Variants in XRN1 observed in about 807,000 individuals in gnomAD.
XRN1 encodes strand-exchange protein 1 homolog.
A neutral mutation model predicts 222.3 loss-of-function variants in XRN1; 67 were observed. That is an observed-to-expected ratio of 0.30 (90% confidence interval 0.25 to 0.37). The LOEUF is 0.37. Ranked by LOEUF, XRN1 falls within the 10% of genes least tolerant of loss-of-function variation. The pLI, the probability that XRN1 is intolerant of heterozygous loss-of-function variation, is 1.00. For synonymous variants in XRN1, 643 were observed against 652.4 expected (o/e 0.99, Z 0.22); for missense variants, 1,707 against 2,000.2 (o/e 0.85, Z 2.80).
At chr3:142,318,550 A>T in intron 39 of XRN1, 42 bp downstream of exon 39, 1 of 1,497,760 alleles carries the variant, frequency 6.7e-7, no homozygotes, top group South Asian at 1.2e-5. Flanking sequence ...TAGTAAAAAT[A>T]ACAACTCAAT....
chr3:142,307,870 T>C lies in XRN1; in HGVS notation c.*3641A>G, dbSNP rs2107833203. 1 of 152,318 alleles carries C rather than the reference T, an allele frequency of 6.6e-6. No homozygotes were observed. Among genetic ancestry groups the C allele is most frequent in the Middle Eastern group, 3.4e-3 (1 of 294 alleles). 9.4% of individuals were successfully genotyped at this position (152,318 alleles called of 1,614,324 possible). A position where few individuals can be genotyped will look rare whatever the true frequency, so the allele number is the denominator to read the frequency against. ...ATCTCTAGAAAAATGACAAATGAAC[T>C]TCTGCAATTGATTTTTAAAGACAGA... On this transcript the variant is annotated 3_prime_UTR_variant, in exon 41 of 41. Transcript: ENST00000392981.
intron 17 of XRN1, 41 bp from the exon 18 acceptor site, chr3:142,403,813 C>A: frequency 1.2e-6 from 2 of 1,610,392 alleles, no homozygotes; most frequent in Non-Finnish European, 1.7e-6. Context: ...ATTCTTTCTC[C>A]ATAATCACTT....
At chr3:142,375,974 G>GCGCACA (rs113527448) in intron 24 of XRN1, 30 bp from the exon 25 acceptor site, 116 of 1,448,072 alleles carry the variant, frequency 8.0e-5, no homozygotes, top group Admixed American at 1.1e-4. Flanking sequence ...GCGCACACGT[G>GCGCACA]CACACACACA....
rs1260982980 is a variant in XRN1 at position 142,318,816 on chromosome 3, C to T, written c.4492G>A (p.Ala1498Thr). The stretch of plus-strand genomic sequence containing the variant: ...AACTGTTGTAAAGCAAAAAGTGCAG[C>T]TTTCTCTTTGGCTTCATTTTCAGAG... ...CHSENEAKEK[A>T]ALFALQQLGS... The change falls in exon 38 of 41, where the codon GCT becomes ACT. Residue 1498 changes from alanine (A) to threonine (T), a missense_variant. Around this residue, in one of 2 missense-constraint regions of XRN1, gnomAD observed 473 missense variants for 482.0 expected, o/e 0.98. Transcript: ENST00000392981. 1 of 1,613,940 alleles carries T rather than the reference C, an allele frequency of 6.2e-7. No individual in the cohort carries two copies. The highest frequency in any genetic ancestry group is 1.1e-5 in the South Asian group (1 of 91,070).
intron 33 of XRN1, among the ~76,000 whole-genome samples, chr3:142,341,773 T>C (rs1039788005): frequency 1.3e-5 from 2 of 152,150 alleles, no homozygotes; most frequent in African/African-American, 2.4e-5. Context: ...GGGTTAGCTA[T>C]ACTTATATTA....
rs926827218 is a variant in XRN1 at position 142,309,223 on chromosome 3, A to T, written c.*2288T>A. ...TGTTAAAAAAAAAGTAAGGATAATA[A>T]AACTTTTTTCTTTTTTTTGAGACAG... On this transcript the variant is annotated 3_prime_UTR_variant, in exon 41 of 41. Transcript: ENST00000392981. 5 of 152,038 alleles carry T rather than the reference A, an allele frequency of 3.3e-5. No individual in the cohort carries two copies. The highest frequency in any genetic ancestry group is 1.2e-4 in the African/African-American group (5 of 41,398). The allele number at this position is 152,038 out of a possible 1,614,324, so 9.4% of individuals were successfully genotyped here. A position where few individuals can be genotyped will look rare whatever the true frequency, so the allele number is the denominator to read the frequency against.
At chr3:142,368,490 A>T (rs1449462506) in intron 27 of XRN1, among the ~76,000 whole-genome samples, 1 of 152,242 alleles carries the variant, frequency 6.6e-6, no homozygotes, top group Non-Finnish European at 1.5e-5. Flanking sequence ...AATATCACAG[A>T]CTAAGACGTT....
chr3:142,394,206 C>T (rs142187670), intron 20 of XRN1, among the ~76,000 whole-genome samples: 1 of 152,176 alleles, frequency 6.6e-6, no homozygotes, highest in Non-Finnish European at 1.5e-5. Flanking sequence ...TCCACCACTT[C>T]AGTAACATTC....
At chr3:142,320,385 A>G (rs546190170) in intron 37 of XRN1, among the ~76,000 whole-genome samples, 18 of 152,116 alleles carry the variant, frequency 1.2e-4, no homozygotes, top group Admixed American at 3.3e-4. Context: ...TCTTTTGAGA[A>G]ATGTTCACTC....
At chr3:142,377,677 T>A (rs1233886517) in intron 23 of XRN1, among the ~76,000 whole-genome samples, 3 of 151,980 alleles carry the variant, frequency 2.0e-5, no homozygotes, top group Non-Finnish European at 4.4e-5. Flanking sequence ...ATCACAAACA[T>A]CCTAGAAAAT....
intron 31 of XRN1, among the ~76,000 whole-genome samples, chr3:142,356,444 A>C (rs1403872087): frequency 6.6e-6 from 1 of 152,222 alleles, no homozygotes; most frequent in African/African-American, 2.4e-5. Flanking sequence ...TGTCTCACAC[A>C]AGACAACTCA....
chr3:142,334,373 T>G (rs1468555844), intron 34 of XRN1, among the ~76,000 whole-genome samples: 1 of 151,744 alleles, frequency 6.6e-6, no homozygotes, highest in Non-Finnish European at 1.5e-5. Flanking sequence ...CTATAAGAGA[T>G]CAATTTAAAA....
At chr3:142,365,210 A>C in intron 28 of XRN1, 31 bp from the exon 29 acceptor site, 2 of 1,585,094 alleles carry the variant, frequency 1.3e-6, no homozygotes, top group Non-Finnish European at 1.7e-6. Flanking sequence ...AATTATAATA[A>C]ACAAAAAAAT....
At chr3:142,366,354 G>T (rs180999255) in intron 27 of XRN1, among the ~76,000 whole-genome samples, 1 of 152,106 alleles carries the variant, frequency 6.6e-6, no homozygotes, top group East Asian at 1.9e-4. Flanking sequence ...TAAACTATAG[G>T]GTTCATGTAT....
At chr3:142,446,506 G>A (rs1173990192) in intron 1 of XRN1, among the ~76,000 whole-genome samples, 2 of 152,164 alleles carry the variant, frequency 1.3e-5, no homozygotes, top group Non-Finnish European at 2.9e-5. Context: ...AGGATGGAGA[G>A]AATCTAAGAT....
intron 24 of XRN1, chr3:142,376,199 T>C (rs1036048166): frequency 1.5e-6 from 1 of 660,714 alleles, no homozygotes; most frequent in Middle Eastern, 4.4e-4. Context: ...GAAAATGAAA[T>C]AACAAGATGC....
chr3:142,401,531 G>A (rs1484738585), intron 18 of XRN1, among the ~76,000 whole-genome samples: 2 of 152,198 alleles, frequency 1.3e-5, no homozygotes, highest in South Asian at 4.1e-4. Flanking sequence ...TGGCCAAGAT[G>A]GTGAAACCCG....
chr3:142,370,633 CAAT>C lies in XRN1; in HGVS notation c.3069-16_3069-14del. 1 of 1,549,868 alleles carries C rather than the reference CAAT, an allele frequency of 6.5e-7. No homozygotes were observed. Among genetic ancestry groups the C allele is most frequent in the Non-Finnish European group, 8.7e-7 (1 of 1,155,928 alleles). Reference sequence around the variant, plus strand: ...AACTTTTTCAGCACTAAAGCAAAAACAATAATTTTTAAAATTTGATTAAAACTT... The same window carrying C: ...AACTTTTTCAGCACTAAAGCAAAAACAATTTTTAAAATTTGATTAAAACTT... On this transcript the variant is annotated splice_polypyrimidine_tract_variant and intron_variant, in intron 26 of 40. Transcript: ENST00000392981.
chr3:142,380,399 T>C (rs982907997), intron 22 of XRN1, among the ~76,000 whole-genome samples: 2 of 152,164 alleles, frequency 1.3e-5, no homozygotes, highest in African/African-American at 2.4e-5. Context: ...TACTATAAAT[T>C]TGAGTCACTG....
Sources: gnomAD v4.1 joint callset for allele counts (sites outside exome capture counted in the v4.1 genomes callset) on GRCh38, gnomAD v4.1.1 for gene constraint, gnomAD v4.1.1 regional missense constraint, MANE v1.5 for transcripts, NCBI Gene and HGNC (gene_info 2026-07-23, HGNC 2026-07-21) for gene names.